Variants in MLLT3 observed in about 807,000 individuals in gnomAD.
MLLT3 encodes protein AF-9.
A neutral mutation model predicts 53.2 loss-of-function variants in MLLT3; 4 were observed. The ratio of observed to expected loss-of-function variants is 0.08; its 90% CI spans 0.04 to 0.17. The LOEUF is 0.17. Ranked by LOEUF, MLLT3 falls within the 10% of genes least tolerant of loss-of-function variation. The pLI is 1.00. For missense variants in MLLT3, 569 were observed against 684.0 expected (o/e 0.83, Z 1.87); for synonymous variants, 283 against 230.6 (o/e 1.23, Z -2.06).
Position 20,345,572 on chromosome 9 carries a change from C to G in MLLT3, c.*871G>C, listed in dbSNP as rs1393661411. 4.9e-6 allele frequency: 1 copy of G among 203,514 alleles called. No individual in the cohort carries two copies. Among genetic ancestry groups the G allele is most frequent in the African/African-American group, 2.3e-5 (1 of 43,566 alleles). 12.6% of individuals were successfully genotyped at this position (203,514 alleles called of 1,614,324 possible). On this transcript the variant is annotated 3_prime_UTR_variant, in exon 11 of 11. Coordinates refer to ENST00000380338, the MANE Select transcript of MLLT3 (RefSeq NM_004529.4). ...TAATATTGTAACAGTAAAACAGACA[C>G]AAGAATGTTGATGACAGCTCAACAA...
intron 5 of MLLT3, among the ~76,000 whole-genome samples, chr9:20,403,783 T>G (rs1167740866): frequency 1.3e-5 from 2 of 152,146 alleles, no homozygotes; most frequent in African/African-American, 4.8e-5. Context: ...GCCCTAGAAA[T>G]TAGGTTATCT....
At chr9:20,492,505 AATAT>A (rs1196693413) in intron 2 of MLLT3, among the ~76,000 whole-genome samples, 2 of 152,014 alleles carry the variant, frequency 1.3e-5, no homozygotes, top group Non-Finnish European at 2.9e-5. Flanking sequence ...ATTTCTTGAA[AATAT>A]AGTTATAAAC....
intron 5 of MLLT3, among the ~76,000 whole-genome samples, chr9:20,369,413 T>C (rs1263328587): frequency 2.0e-5 from 3 of 152,342 alleles, no homozygotes; most frequent in Admixed American, 1.3e-4. Context: ...AGCATGACTA[T>C]ATATATCATG....
At chr9:20,471,235 A>C (rs1276946622) in intron 2 of MLLT3, among the ~76,000 whole-genome samples, 1 of 151,958 alleles carries the variant, frequency 6.6e-6, no homozygotes, top group East Asian at 1.9e-4. Flanking sequence ...CTTTTTGCTT[A>C]TTTGGATCTT....
chr9:20,430,641 C>A (rs1330391078), intron 4 of MLLT3, among the ~76,000 whole-genome samples: 2 of 151,980 alleles, frequency 1.3e-5, no homozygotes, highest in South Asian at 2.1e-4. Flanking sequence ...CAATGTTAGA[C>A]AAAACTTCTA....
Position 20,448,051 on chromosome 9 carries a change from A to C in MLLT3, c.420+72T>G. 6.7e-7 allele frequency: 1 copy of C among 1,481,514 alleles called. No individual in the cohort carries two copies. Among genetic ancestry groups the C allele is most frequent in the South Asian group, 1.3e-5 (1 of 79,272 alleles). 91.8% of individuals were successfully genotyped at this position (1,481,514 alleles called of 1,614,324 possible). On this transcript the variant is annotated intron_variant, in intron 4 of 10. Transcript: ENST00000380338. The surrounding 1 kb of genome is among the most constrained non-coding windows in gnomAD (Gnocchi z 4.0). Reference sequence around the variant, plus strand: ...TATACTTTTTAACACATGAGGAACTAGTTTGTTTGTTTTTTTTTTTGTTGT... The same window carrying C: ...TATACTTTTTAACACATGAGGAACTCGTTTGTTTGTTTTTTTTTTTGTTGT...
chr9:20,456,104 A>C lies in MLLT3; in HGVS notation c.276+600T>G, dbSNP rs528831095. Among the ~76,000 whole-genome samples, 3 of 152,042 alleles carry C rather than the reference A, an allele frequency of 2.0e-5. No homozygotes were observed. In the South Asian group the frequency reaches 6.3e-4, roughly 32 times the overall value. ...CAGGCATCCACCACCATACTCGGCT[A>C]ATTTTTGTATTTTTAGTAGAGACGA... On this transcript the variant is annotated intron_variant, in intron 3 of 10. Coordinates refer to ENST00000380338, the MANE Select transcript of MLLT3 (RefSeq NM_004529.4).
At chr9:20,563,761 A>C (rs766072583) in intron 2 of MLLT3, among the ~76,000 whole-genome samples, 1 of 152,150 alleles carries the variant, frequency 6.6e-6, no homozygotes, top group Non-Finnish European at 1.5e-5. Context: ...AGATTTCTGT[A>C]CTTGACCTTC....
chr9:20,477,366 T>A (rs773945672), intron 2 of MLLT3, among the ~76,000 whole-genome samples: 1 of 151,898 alleles, frequency 6.6e-6, no homozygotes, highest in Non-Finnish European at 1.5e-5. Flanking sequence ...GAGAGAGGAG[T>A]GAAACAACTG....
At chr9:20,510,830 T>C (rs114582092) in intron 2 of MLLT3, among the ~76,000 whole-genome samples, 32 of 152,300 alleles carry the variant, frequency 2.1e-4, no homozygotes, top group African/African-American at 6.5e-4. Context: ...TTTCAGTGTT[T>C]ATTCAACTGA....
intron 5 of MLLT3, among the ~76,000 whole-genome samples, chr9:20,391,324 A>C (rs755031280): frequency 1.3e-5 from 2 of 152,234 alleles, no homozygotes; most frequent in African/African-American, 2.4e-5. Flanking sequence ...AAAGAAGAGA[A>C]GGAAATGGAA....
intron 4 of MLLT3, among the ~76,000 whole-genome samples, chr9:20,416,673 T>TA (rs1316800480): frequency 6.6e-6 from 1 of 152,142 alleles, no homozygotes; most frequent in Non-Finnish European, 1.5e-5. Flanking sequence ...TGTCTACTGT[T>TA]ACCTTTTTAT....
intron 2 of MLLT3, among the ~76,000 whole-genome samples, chr9:20,580,652 AAT>A (rs1164191659): frequency 6.6e-6 from 1 of 152,182 alleles, no homozygotes; most frequent in Non-Finnish European, 1.5e-5. Context: ...CTTGAAATAT[AAT>A]ATAGTTTTCC....
chr9:20,432,734 C>T (rs1819039633), intron 4 of MLLT3, among the ~76,000 whole-genome samples: 1 of 152,012 alleles, frequency 6.6e-6, no homozygotes, highest in Non-Finnish European at 1.5e-5. Flanking sequence ...TCATTGAATA[C>T]ATATCGGCGT....
intron 2 of MLLT3, chr9:20,533,341 T>G (rs765445091): frequency 4.2e-6 from 1 of 238,710 alleles, no homozygotes; most frequent in Non-Finnish European, 8.9e-6. Flanking sequence ...CTGGGTTAAA[T>G]GTACACTGTT....
At chr9:20,375,624 TTG>T in intron 5 of MLLT3, among the ~76,000 whole-genome samples, 1 of 146,074 alleles carries the variant, frequency 6.8e-6, no homozygotes, top group African/African-American at 2.7e-5. Flanking sequence ...TTTTTTTTTT[TTG>T]AGACAGAGTC....
Position 20,344,539 on chromosome 9 carries a change from A to C in MLLT3, c.*1904T>G, listed in dbSNP as rs930909716. ...TTCTCTGCACATCAAGAAGTGGACA[A>C]TACAACAAATGCTTCAAGTACGGTT... On this transcript the variant is annotated 3_prime_UTR_variant, in exon 11 of 11. Coordinates refer to ENST00000380338, the MANE Select transcript of MLLT3 (RefSeq NM_004529.4). 1 of 218,076 alleles carries C rather than the reference A, an allele frequency of 4.6e-6. No individual in the cohort carries two copies. The highest frequency in any genetic ancestry group is 2.2e-5 in the African/African-American group (1 of 44,530). 13.5% of individuals were successfully genotyped at this position (218,076 alleles called of 1,614,324 possible).
intron 4 of MLLT3, among the ~76,000 whole-genome samples, chr9:20,433,623 T>G (rs924429030): frequency 6.6e-6 from 1 of 152,002 alleles, no homozygotes; most frequent in Non-Finnish European, 1.5e-5. Context: ...CTACCAAAGA[T>G]GCATAACATG....
chr9:20,590,546 C>G (rs1051419148), intron 2 of MLLT3, among the ~76,000 whole-genome samples: 3 of 152,186 alleles, frequency 2.0e-5, no homozygotes, highest in Non-Finnish European at 2.9e-5. Flanking sequence ...CTGTCTCTCT[C>G]TCTGTCACTC....
Sources: allele counts gnomAD v4.1 joint callset (sites outside exome capture counted in the v4.1 genomes callset), GRCh38; gene constraint gnomAD v4.1.1; non-coding constraint Gnocchi (gnomAD v3.1); transcripts MANE v1.5; gene names NCBI Gene and HGNC (gene_info 2026-07-23, HGNC 2026-07-21).